Variants in PCBD2 observed in about 807,000 individuals in gnomAD.
The protein encoded by PCBD2 is pterin-4 alpha-carbinolamine dehydratase 2.
PCBD2 carries 12 observed loss-of-function variants against 16.4 expected under a neutral mutation model. The ratio of observed to expected loss-of-function variants is 0.73; its 90% CI spans 0.47 to 1.19. The LOEUF is 1.19. PCBD2 is among the 50% of genes most tolerant of loss of function. PCBD2 has a pLI of 0.00. For missense variants in PCBD2, 138 were observed against 156.8 expected, an observed-to-expected ratio of 0.88 and a Z score of 0.64; for synonymous variants, 58 against 61.8, an observed-to-expected ratio of 0.94 and a Z score of 0.29.
chr5:134,910,076 A>G (rs1750748104), intron 1 of PCBD2, among the ~76,000 whole-genome samples: 1 of 152,078 alleles, frequency 6.6e-6, no homozygotes, highest in Non-Finnish European at 1.5e-5. Context: ...TCTCGAAACA[A>G]CCAACCAACC....
At chr5:134,939,926 G>GA (rs1326985880) in intron 2 of PCBD2, among the ~76,000 whole-genome samples, 4 of 150,294 alleles carry the variant, frequency 2.7e-5, no homozygotes, top group African/African-American at 1.0e-4. Flanking sequence ...TCTGTAATAA[G>GA]AAATTTTTTT....
intron 2 of PCBD2, among the ~76,000 whole-genome samples, chr5:134,932,424 C>G (rs1371248846): frequency 6.6e-6 from 1 of 152,062 alleles, no homozygotes; most frequent in South Asian, 2.1e-4. Flanking sequence ...TCACTGCAAC[C>G]TCCGTCTCCT....
At position 134,930,954 on chromosome 5, in the gene PCBD2, G is replaced by A. The variant is rs552394984; in HGVS notation, c.216+20488G>A. The stretch of plus-strand genomic sequence containing the variant: ...GTTTTTTGAGACAGAGTCTTGCTCT[G>A]TTGCCCACGCTGGAATGCAGTGGCA... On this transcript the variant is annotated intron_variant, in intron 2 of 3. Coordinates refer to ENST00000254908, the MANE Select transcript of PCBD2 (RefSeq NM_032151.5). Among the ~76,000 whole-genome samples, 22 of 152,022 alleles carry A rather than the reference G, an allele frequency of 1.4e-4. 1 individual carries two copies.
intron 2 of PCBD2, among the ~76,000 whole-genome samples, chr5:134,951,936 A>G (rs1010048752): frequency 2.3e-4 from 35 of 152,204 alleles, no homozygotes; most frequent in African/African-American, 8.2e-4. Flanking sequence ...ATACAGAAAA[A>G]ATTTTTTTTG....
At chr5:134,928,426 G>A (rs78565484) in intron 2 of PCBD2, 20 of 350,860 alleles carry the variant, frequency 5.7e-5, no homozygotes, top group African/African-American at 1.5e-4. Context: ...ATAATCATTC[G>A]TAGGCCAGAC....
At chr5:134,919,018 A>G (rs2149531613) in intron 2 of PCBD2, among the ~76,000 whole-genome samples, 1 of 152,256 alleles carries the variant, frequency 6.6e-6, no homozygotes, top group East Asian at 1.9e-4. Flanking sequence ...CAATGCAAAT[A>G]TGACACCACA....
At position 134,926,540 on chromosome 5, in the gene PCBD2, CA is replaced by C. The variant is rs981948636; in HGVS notation, c.216+16075del. 2.0e-5 allele frequency: 8 copies of C among 394,774 alleles called. No homozygotes were observed. In the Admixed American group the frequency reaches 3.6e-4, roughly 18 times the overall value. The allele number at this position is 394,774 out of a possible 1,614,324, so 24.5% of individuals were successfully genotyped here. A position where few individuals can be genotyped will look rare whatever the true frequency, so the allele number is the denominator to read the frequency against. On this transcript the variant is annotated intron_variant, in intron 2 of 3. Coordinates refer to ENST00000254908, the MANE Select transcript of PCBD2 (RefSeq NM_032151.5). ...GTTATCCTTTAAAAGTTGAGAAAGC[CA>C]TGTTGTTAGACATGGGGATATGAGT...
intron 2 of PCBD2, chr5:134,927,323 T>G: frequency 2.5e-6 from 1 of 398,480 alleles, no homozygotes; most frequent in South Asian, 1.3e-4. Flanking sequence ...CATAGCCGCC[T>G]AATTTTAAGA....
chr5:134,949,711 C>A (rs936414940), intron 2 of PCBD2, among the ~76,000 whole-genome samples: 1 of 152,136 alleles, frequency 6.6e-6, no homozygotes, highest in African/African-American at 2.4e-5. Context: ...CAGTGTTCCA[C>A]GTGAAAGTCT....
intron 2 of PCBD2, among the ~76,000 whole-genome samples, chr5:134,921,862 A>G (rs1423149127): frequency 1.3e-5 from 2 of 152,092 alleles, no homozygotes; most frequent in Admixed American, 6.5e-5. Flanking sequence ...TCCTGCTTCC[A>G]CTGGCCTGCG....
chr5:134,940,561 G>A (rs1751214030), intron 2 of PCBD2, among the ~76,000 whole-genome samples: 1 of 152,126 alleles, frequency 6.6e-6, no homozygotes, highest in South Asian at 2.1e-4. Context: ...GGTAAGATTA[G>A]GCAGACCCAG....
chr5:134,907,921 C>CT (rs1187907367), intron 1 of PCBD2, among the ~76,000 whole-genome samples: 3,595 of 122,068 alleles, frequency 0.029, 148 homozygotes, highest in African/African-American at 0.099. Flanking sequence ...CACGCCCGGA[C>CT]TTTTTTTTTT....
chr5:134,927,657 A>T, intron 2 of PCBD2: 1 of 398,070 alleles, frequency 2.5e-6, no homozygotes, highest in Middle Eastern at 6.3e-4. Flanking sequence ...CAGGGTGGGG[A>T]TAAGTGTGGT....
At position 134,928,414 on chromosome 5, in the gene PCBD2, T is replaced by C. The variant is rs1751047679; in HGVS notation, c.216+17948T>C. Reference sequence around the variant, plus strand: ...CCAATTCGGCTCAGTCTAACCCTTTTTATAATCATTCGTAGGCCAGACTTA... The same window carrying C: ...CCAATTCGGCTCAGTCTAACCCTTTCTATAATCATTCGTAGGCCAGACTTA... On this transcript the variant is annotated intron_variant, in intron 2 of 3. Transcript: ENST00000254908. 8.4e-6 allele frequency: 3 copies of C among 357,268 alleles called. No individual in the cohort carries two copies. In the South Asian group the frequency reaches 4.1e-4, roughly 48 times the overall value. 22.1% of individuals were successfully genotyped at this position (357,268 alleles called of 1,614,324 possible).
intron 2 of PCBD2, among the ~76,000 whole-genome samples, chr5:134,957,974 C>A (rs914608394): frequency 6.6e-6 from 1 of 152,190 alleles, no homozygotes; most frequent in Admixed American, 6.5e-5. Context: ...GTATTTCTCA[C>A]TGTTAACTAG....
intron 2 of PCBD2, among the ~76,000 whole-genome samples, chr5:134,922,866 C>T (rs910978389): frequency 2.0e-5 from 3 of 151,950 alleles, no homozygotes; most frequent in Non-Finnish European, 2.9e-5. Context: ...TTAGTAGACA[C>T]GGGGTTTCAC....
At chr5:134,921,831 C>T (rs554442733) in intron 2 of PCBD2, among the ~76,000 whole-genome samples, 10 of 152,320 alleles carry the variant, frequency 6.6e-5, no homozygotes, top group Admixed American at 4.6e-4. Flanking sequence ...GCTTCCTGGC[C>T]ACATGTTACC....
chr5:134,919,987 A>G (rs1187755966), intron 2 of PCBD2, among the ~76,000 whole-genome samples: 4 of 152,072 alleles, frequency 2.6e-5, no homozygotes. Context: ...GCAGTGCTGC[A>G]CTCACATTCC....
intron 2 of PCBD2, among the ~76,000 whole-genome samples, chr5:134,949,171 A>G (rs1751332086): frequency 6.6e-6 from 1 of 152,096 alleles, no homozygotes; most frequent in African/African-American, 2.4e-5. Context: ...ATGCTCGCTG[A>G]CAGATTGCCA....
Sources: gnomAD v4.1 joint callset for allele counts (sites outside exome capture counted in the v4.1 genomes callset) on GRCh38, gnomAD v4.1.1 for gene constraint, MANE v1.5 for transcripts, NCBI Gene and HGNC (gene_info 2026-07-23, HGNC 2026-07-21) for gene names.